Variants in ATP9A observed in about 807,000 individuals in gnomAD.
The protein encoded by ATP9A is ATPase phospholipid transporting 9A, also known as probable phospholipid-transporting ATPase IIA.
A neutral mutation model predicts 144.1 loss-of-function variants in ATP9A; 52 were observed. The observed-to-expected ratio is 0.36, with a 90% CI of 0.29 to 0.45. ATP9A has a LOEUF of 0.45. ATP9A is among the 20% of genes least tolerant of loss of function. The probability of loss-of-function intolerance (pLI) is 1.00; values close to 1 mark genes in which losing one functional copy is unlikely to be tolerated. For missense variants in ATP9A, 947 were observed against 1,392.7 expected (o/e 0.68, Z 5.09); for synonymous variants, 582 against 557.4 (o/e 1.04, Z -0.62).
intron 1 of ATP9A, among the ~76,000 whole-genome samples, chr20:51,759,355 C>T (rs1255743602): frequency 6.6e-6 from 1 of 152,216 alleles, no homozygotes; most frequent in African/African-American, 2.4e-5. Context: ...ACTCCCTCCA[C>T]CACATCAAAG....
chr20:51,655,707 T>C (rs988184812), intron 14 of ATP9A, among the ~76,000 whole-genome samples: 4 of 151,740 alleles, frequency 2.6e-5, no homozygotes, highest in Middle Eastern at 3.4e-3. Flanking sequence ...GCAGCCACTT[T>C]TGGAAAACAG....
chr20:51,720,648 C>A lies in ATP9A; in HGVS notation c.327+5171G>T, dbSNP rs561221963. Among the ~76,000 whole-genome samples the A allele has an allele frequency of 3.9e-5, 6 of 152,168 alleles. No individual in the cohort carries two copies. In the East Asian group the frequency reaches 5.8e-4, roughly 15 times the overall value. On this transcript the variant is annotated intron_variant, in intron 3 of 27. Coordinates refer to ENST00000338821, the MANE Select transcript of ATP9A (RefSeq NM_006045.3). ...CAGGAGTTTGATAGCAGCGTGGCCA[C>A]CATGGTGAAACCTCGTCTCTACTAA...
chr20:51,727,787 C>T (rs113032896), intron 2 of ATP9A, among the ~76,000 whole-genome samples: 10,209 of 151,652 alleles, frequency 0.067, 773 homozygotes, highest in African/African-American at 0.19. Context: ...AAAAAGTAGC[C>T]GGACATGGGA....
chr20:51,628,879 AG>A, intron 16 of ATP9A, 100 bp downstream of exon 16: 1 of 954,086 alleles, frequency 1.0e-6, no homozygotes, highest in East Asian at 2.4e-5. Flanking sequence ...TTTGTTACAC[AG>A]CCACCGATAA....
At chr20:51,691,489 C>T (rs2077548288) in intron 7 of ATP9A, among the ~76,000 whole-genome samples, 1 of 152,094 alleles carries the variant, frequency 6.6e-6, no homozygotes, top group Non-Finnish European at 1.5e-5. Context: ...AGAAAATACT[C>T]ATTCAACAAA....
intron 3 of ATP9A, among the ~76,000 whole-genome samples, chr20:51,723,687 G>C (rs1376238159): frequency 6.6e-6 from 1 of 150,606 alleles, no homozygotes; most frequent in Non-Finnish European, 1.5e-5. Flanking sequence ...CTCCTGAGTA[G>C]CTGGGACTAC....
intron 8 of ATP9A, 134 bp downstream of exon 8, chr20:51,690,605 A>T (rs2077544215): frequency 1.3e-6 from 1 of 747,124 alleles, no homozygotes; most frequent in South Asian, 1.7e-5. Context: ...CTGGCTTTCA[A>T]GGCGGTGCCT....
intron 13 of ATP9A, among the ~76,000 whole-genome samples, chr20:51,667,107 C>G (rs115235035): frequency 2.6e-5 from 4 of 152,320 alleles, no homozygotes; most frequent in African/African-American, 9.6e-5. Context: ...GATGGGCAAA[C>G]TGATTTATGA....
intron 11 of ATP9A, among the ~76,000 whole-genome samples, chr20:51,671,645 A>G (rs1291756951): frequency 3.4e-4 from 52 of 152,196 alleles, no homozygotes; most frequent in Admixed American, 6.5e-5. Flanking sequence ...CACATTTACA[A>G]TGTTATCAGC....
rs574301294 is a variant in ATP9A at position 51,763,785 on chromosome 20, C to A, written c.68+4517G>T. On this transcript the variant is annotated intron_variant, in intron 1 of 27. Coordinates refer to ENST00000338821, the MANE Select transcript of ATP9A (RefSeq NM_006045.3). ...TATCAAGCATCAAAGCATCCTCATCCAGTGTGGCCACCCACAAAACGTAGA... is the reference window on the plus strand; with the variant it reads ...TATCAAGCATCAAAGCATCCTCATCAAGTGTGGCCACCCACAAAACGTAGA... Among the ~76,000 whole-genome samples, 14 of 152,262 alleles carry A rather than the reference C, an allele frequency of 9.2e-5. 1 individual carries two copies. The highest frequency in any genetic ancestry group is 3.4e-4 in the African/African-American group (14 of 41,544).
intron 22 of ATP9A, among the ~76,000 whole-genome samples, chr20:51,614,654 C>G (rs1330105981): frequency 1.3e-5 from 2 of 152,156 alleles, no homozygotes; most frequent in African/African-American, 4.8e-5. Context: ...GACAGAGGGA[C>G]ATGAGAGCCT....
chr20:51,768,124 G>A (rs946908486), intron 1 of ATP9A, among the ~76,000 whole-genome samples, 178 bp downstream of exon 1: 2 of 151,950 alleles, frequency 1.3e-5, no homozygotes, highest in Non-Finnish European at 2.9e-5. Context: ...CAGGCTAGGT[G>A]CCGCCCGGGG....
At chr20:51,712,707 T>C (rs2077644939) in intron 4 of ATP9A, among the ~76,000 whole-genome samples, 1 of 152,162 alleles carries the variant, frequency 6.6e-6, no homozygotes, top group Admixed American at 6.5e-5. Flanking sequence ...ACACAAAATG[T>C]AATTCCAGGT....
chr20:51,753,490 A>AAG (rs765187581), intron 1 of ATP9A, among the ~76,000 whole-genome samples: 4 of 137,244 alleles, frequency 2.9e-5, no homozygotes, highest in Non-Finnish European at 6.5e-5. Flanking sequence ...ACAACAACAA[A>AAG]CCCACGTTCT....
rs534185837 is a variant in ATP9A, at chr20:51,657,746, C to T, written c.1294-596G>A. Among the ~76,000 whole-genome samples the T allele has an allele frequency of 4.6e-5, 7 of 152,314 alleles. No individual in the cohort carries two copies. In the South Asian group the frequency reaches 1.0e-3, roughly 23 times the overall value. On this transcript the variant is annotated intron_variant, in intron 13 of 27. Coordinates refer to ENST00000338821, the MANE Select transcript of ATP9A (RefSeq NM_006045.3). The stretch of plus-strand genomic sequence containing the variant: ...ATCTGGTACCGTATGCAAGTAACAA[C>T]CATCAGCAACAAGCAATCCAGGGCA...
chr20:51,689,196 G>T, intron 8 of ATP9A, 57 bp from the exon 9 acceptor site: 1 of 1,556,366 alleles, frequency 6.4e-7, no homozygotes, highest in Non-Finnish European at 8.9e-7. Flanking sequence ...AGAATCCACA[G>T]GCTGCTTCTA....
chr20:51,746,396 G>C (rs1196420522), intron 1 of ATP9A, among the ~76,000 whole-genome samples: 1 of 152,204 alleles, frequency 6.6e-6, no homozygotes, highest in Non-Finnish European at 1.5e-5. Flanking sequence ...GTTGTTAAGA[G>C]GGCAGTTAGG....
intron 15 of ATP9A, among the ~76,000 whole-genome samples, chr20:51,631,810 C>T (rs545656801): frequency 9.9e-5 from 15 of 152,278 alleles, no homozygotes; most frequent in Middle Eastern, 3.4e-3. Context: ...ACATCTTGTA[C>T]GCCACAAAAA....
chr20:51,664,722 C>T (rs1669653109), intron 13 of ATP9A, among the ~76,000 whole-genome samples: 1 of 149,378 alleles, frequency 6.7e-6, no homozygotes, highest in Non-Finnish European at 1.5e-5. Context: ...ACTTAAATTT[C>T]TTTTTTTTTT....
Sources: gnomAD v4.1 joint callset for allele counts (sites outside exome capture counted in the v4.1 genomes callset) on GRCh38, gnomAD v4.1.1 for gene constraint, MANE v1.5 for transcripts, NCBI Gene and HGNC (gene_info 2026-07-23, HGNC 2026-07-21) for gene names.